Variants in FGF10 observed in about 807,000 individuals in gnomAD.
FGF10 encodes the protein fibroblast growth factor 10.
In FGF10, 2 loss-of-function variants were observed where a neutral mutation model predicts 19.8. The observed-to-expected ratio is 0.10, with a 90% CI of 0.04 to 0.32. FGF10 has a LOEUF of 0.32. FGF10 is among the 10% of genes least tolerant of loss of function. The probability of loss-of-function intolerance (pLI) is 1.00; values close to 1 mark genes in which losing one functional copy is unlikely to be tolerated. For missense variants in FGF10, 191 were observed against 246.3 expected (o/e 0.78, Z 1.50); for synonymous variants, 112 against 94.0 (o/e 1.19, Z -1.10).
At chr5:44,349,420 CTT>C (rs1202098263) in intron 1 of FGF10, among the ~76,000 whole-genome samples, 2 of 33,760 alleles carry the variant, frequency 5.9e-5, no homozygotes, top group African/African-American at 1.1e-4. Context: ...AAAGCATTTT[CTT>C]TATATATATA....
rs943024518 is a variant in FGF10 at position 44,348,717 on chromosome 5, A to G, written c.326-38187T>C. ...ATTTATATTACATGCAATATTTTGG[A>G]CATATTTATAAAAAGAATCTGTTAT... On this transcript the variant is annotated intron_variant, in intron 1 of 2. Transcript: ENST00000264664. 1.3e-4 allele frequency among the ~76,000 whole-genome samples: 20 copies of G among 151,530 alleles called. 1 individual carries two copies.
intron 1 of FGF10, among the ~76,000 whole-genome samples, chr5:44,340,836 A>G (rs1231605765): frequency 2.0e-5 from 3 of 151,748 alleles, no homozygotes; most frequent in Non-Finnish European, 2.9e-5. Context: ...CAAAAGAAAA[A>G]AAAAAAAGAA....
chr5:44,348,612 G>A (rs1416445926), intron 1 of FGF10, among the ~76,000 whole-genome samples: 1 of 151,160 alleles, frequency 6.6e-6, no homozygotes, highest in East Asian at 1.9e-4. Context: ...CAGGTTCCTA[G>A]ACTTAGCAAA....
At position 44,303,157 on chromosome 5, in the gene FGF10, T is replaced by C. The variant is rs542860814; in HGVS notation, c.*1838A>G. On this transcript the variant is annotated 3_prime_UTR_variant, in exon 3 of 3. Coordinates refer to ENST00000264664, the MANE Select transcript of FGF10 (RefSeq NM_004465.2). ...AAACTATAAGCCAAAAGACAGTGCC[T>C]CAAATGTGTTTCTTCTGAAATACAG... 1.7e-4 allele frequency among the ~76,000 whole-genome samples: 26 copies of C among 152,290 alleles called. No homozygotes were observed. The South Asian group carries it at 3.1e-3, about 18-fold the overall frequency.
At chr5:44,378,554 C>A (rs1422990153) in intron 1 of FGF10, among the ~76,000 whole-genome samples, 6 of 152,150 alleles carry the variant, frequency 3.9e-5, no homozygotes, top group African/African-American at 1.4e-4. Flanking sequence ...GCCTCAGCCT[C>A]CCCAGTAGCT....
chr5:44,344,568 CTGTGTGTGTG>C (rs1166640935), intron 1 of FGF10, among the ~76,000 whole-genome samples: 14 of 126,852 alleles, frequency 1.1e-4, no homozygotes, highest in Admixed American at 4.8e-4. Flanking sequence ...TTTGTTTTCT[CTGTGTGTGTG>C]TGTGTGTGTG....
At chr5:44,386,605 T>A (rs1742103100) in intron 1 of FGF10, among the ~76,000 whole-genome samples, 1 of 152,160 alleles carries the variant, frequency 6.6e-6, no homozygotes, top group African/African-American at 2.4e-5. Flanking sequence ...ATCTAATGAA[T>A]TCGGGTAACA....
Sources: allele counts gnomAD v4.1 joint callset (sites outside exome capture counted in the v4.1 genomes callset), GRCh38; gene constraint gnomAD v4.1.1; transcripts MANE v1.5; gene names NCBI Gene and HGNC (gene_info 2026-07-23, HGNC 2026-07-21).